The following USP10 variants were observed in gnomAD, a reference collection of about 807,000 sequenced individuals.
USP10 encodes ubiquitin specific peptidase 10.
A neutral mutation model predicts 84.5 loss-of-function variants in USP10; 22 were observed. The observed-to-expected ratio is 0.26, with a 90% CI of 0.19 to 0.37. USP10 has a LOEUF of 0.37. Ranked by LOEUF, USP10 falls within the 10% of genes least tolerant of loss-of-function variation. The probability of loss-of-function intolerance (pLI) is 1.00; values close to 1 mark genes in which losing one functional copy is unlikely to be tolerated. For missense variants in USP10, 1,019 were observed against 998.9 expected, an observed-to-expected ratio of 1.02 and a Z score of -0.27; for synonymous variants, 454 against 387.6, an observed-to-expected ratio of 1.17 and a Z score of -2.01.
chr16:84,772,772 C>T (rs1914593429), intron 12 of USP10, 87 bp downstream of exon 12: 4 of 1,512,898 alleles, frequency 2.6e-6, no homozygotes, highest in African/African-American at 1.4e-5. Flanking sequence ...TTTATGATGT[C>T]AAGAGTGAGG....
At chr16:84,701,937 C>CCTT (rs1330798788) in intron 1 of USP10, among the ~76,000 whole-genome samples, 1 of 124,584 alleles carries the variant, frequency 8.0e-6, no homozygotes, top group Non-Finnish European at 1.6e-5. Context: ...TTTTCTTCTT[C>CCTT]TTTTTTTTTT....
chr16:84,738,765 T>A (rs968186277), intron 2 of USP10, among the ~76,000 whole-genome samples: 2 of 152,248 alleles, frequency 1.3e-5, no homozygotes, highest in Admixed American at 1.3e-4. Context: ...GAGAACTTAC[T>A]GCGTTACTAG....
chr16:84,714,166 AG>A (rs1379979492), intron 1 of USP10, among the ~76,000 whole-genome samples: 1 of 151,236 alleles, frequency 6.6e-6, no homozygotes, highest in African/African-American at 2.4e-5. Flanking sequence ...AGAAGCGTGG[AG>A]GGCTTGAACA....
intron 2 of USP10, among the ~76,000 whole-genome samples, chr16:84,734,070 A>C (rs9936114): frequency 6.6e-6 from 1 of 151,960 alleles, no homozygotes; most frequent in South Asian, 2.1e-4. Flanking sequence ...CGTTAAAAAT[A>C]TTGCACTCAA....
At chr16:84,748,596 G>A (rs763132865) in intron 4 of USP10, among the ~76,000 whole-genome samples, 20 of 152,090 alleles carry the variant, frequency 1.3e-4, no homozygotes, top group Non-Finnish European at 1.0e-4. Flanking sequence ...GAGCCACCGC[G>A]CCCAGCTGAG....
Position 84,775,192 on chromosome 16 carries a change from T to C in USP10, c.2176T>C (p.Phe726Leu), listed in dbSNP as rs749953904. 3.1e-5 allele frequency: 50 copies of C among 1,613,688 alleles called. No individual in the cohort carries two copies. The highest frequency in any genetic ancestry group is 1.6e-4 in the Middle Eastern group (1 of 6,082). ...TTCTCCAGGGGTTAAAAATAAGAAT[T>C]TTAAATGCCACCGAACCTATCGGCT... ...LLSPGVKNKN[F>L]KCHRTYRLFA... The change falls in exon 13 of 14, where the codon TTT (phenylalanine) becomes CTT (leucine). Residue 726 changes from phenylalanine to leucine, a missense_variant. Phe to Leu is a conservative substitution (Grantham distance 22, BLOSUM62 0). Coordinates refer to ENST00000219473, the MANE Select transcript of USP10 (RefSeq NM_005153.3).
chr16:84,746,659 G>A (rs904960172), intron 4 of USP10, among the ~76,000 whole-genome samples: 1 of 152,194 alleles, frequency 6.6e-6, no homozygotes, highest in Non-Finnish European at 1.5e-5. Flanking sequence ...GGCTCTGGAT[G>A]GGTCAGTGAT....
intron 5 of USP10, 57 bp downstream of exon 5, chr16:84,758,864 G>C: frequency 1.5e-6 from 2 of 1,296,762 alleles, no homozygotes; most frequent in Non-Finnish European, 2.2e-6. Context: ...CCCTCCTTTG[G>C]GTGCATGTGA....
Position 84,758,743 on chromosome 16 carries a change from A to G in USP10, c.1220A>G (p.His407Arg). Residue 407 changes from histidine (H) to arginine (R), a missense_variant, in exon 5 of 14, where the codon CAT becomes CGT. His to Arg is a conservative substitution (Grantham distance 29). This residue lies in a region of USP10 where 787 missense variants were observed against 708.8 expected (regional missense o/e 1.11). Transcript: ENST00000219473. ...AELLENVTLI[H>R]KPVSLQPRGL... ...TTGCTGGAGAATGTAACCCTAATCC[A>G]TAAACCAGTGTCGTTGCAACCCCGT... 6.2e-7 allele frequency: 1 copy of G among 1,613,806 alleles called. No individual in the cohort carries two copies. Among genetic ancestry groups the G allele is most frequent in the Non-Finnish European group, 8.5e-7 (1 of 1,179,680 alleles).
chr16:84,746,489 A>C (rs965862748), intron 4 of USP10, among the ~76,000 whole-genome samples: 1 of 152,228 alleles, frequency 6.6e-6, no homozygotes, highest in East Asian at 1.9e-4. Context: ...CCAGCGTGTT[A>C]CTACTGAATA....
chr16:84,775,396 G>C (rs1480622619), intron 13 of USP10, among the ~76,000 whole-genome samples, 171 bp downstream of exon 13: 1 of 152,224 alleles, frequency 6.6e-6, no homozygotes, highest in Non-Finnish European at 1.5e-5. Flanking sequence ...ACTCTGCGTA[G>C]ATGACGGATT....
At chr16:84,753,099 T>G (rs1457376104) in intron 4 of USP10, among the ~76,000 whole-genome samples, 1 of 152,122 alleles carries the variant, frequency 6.6e-6, no homozygotes, top group East Asian at 1.9e-4. Context: ...CCTGAGTAGT[T>G]GGGACTATAG....
At chr16:84,702,137 A>C (rs1456216122) in intron 1 of USP10, among the ~76,000 whole-genome samples, 1 of 135,032 alleles carries the variant, frequency 7.4e-6, no homozygotes, top group Non-Finnish European at 1.5e-5. Flanking sequence ...GCCCACTGCA[A>C]CCTCTGCCTC....
chr16:84,731,833 T>C (rs1909280154), intron 1 of USP10, among the ~76,000 whole-genome samples: 1 of 152,112 alleles, frequency 6.6e-6, no homozygotes, highest in Non-Finnish European at 1.5e-5. Context: ...GCCTATAGAA[T>C]TTTCCCTTCC....
intron 4 of USP10, among the ~76,000 whole-genome samples, chr16:84,751,169 G>A (rs1253737418): frequency 6.6e-6 from 1 of 152,222 alleles, no homozygotes; most frequent in East Asian, 1.9e-4. Context: ...TACACAACAT[G>A]CTGTACGGGT....
chr16:84,747,730 TC>T (rs1256662155), intron 4 of USP10, among the ~76,000 whole-genome samples: 1 of 151,786 alleles, frequency 6.6e-6, no homozygotes, highest in East Asian at 1.9e-4. Flanking sequence ...TGTCTGGCTA[TC>T]TTTTTTTGTA....
intron 12 of USP10, among the ~76,000 whole-genome samples, chr16:84,774,681 AG>A (rs1365933375): frequency 6.6e-6 from 1 of 152,118 alleles, no homozygotes; most frequent in East Asian, 1.9e-4. Flanking sequence ...TGTATTAGCC[AG>A]GATGGTCTCG....
At chr16:84,761,806 A>G (rs1205595260) in intron 8 of USP10, among the ~76,000 whole-genome samples, 1 of 152,280 alleles carries the variant, frequency 6.6e-6, no homozygotes, top group East Asian at 1.9e-4. Flanking sequence ...CCAAATTCCC[A>G]GACACCAGCC....
chr16:84,730,306 TTTC>T (rs1353810027), intron 1 of USP10, among the ~76,000 whole-genome samples: 3 of 152,160 alleles, frequency 2.0e-5, no homozygotes, highest in African/African-American at 7.2e-5. Context: ...CCGAGAGTGC[TTTC>T]TTCTTTTAAT....
Sources: gnomAD v4.1 joint callset for allele counts (sites outside exome capture counted in the v4.1 genomes callset) on GRCh38, gnomAD v4.1.1 for gene constraint, gnomAD v4.1.1 regional missense constraint, MANE v1.5 for transcripts, NCBI Gene and HGNC (gene_info 2026-07-23, HGNC 2026-07-21) for gene names.